FBXL7: variants seen among roughly 807,000 people sequenced by gnomAD.
The protein encoded by FBXL7 is F-box/LRR-repeat protein 7.
A neutral mutation model predicts 38.3 loss-of-function variants in FBXL7; 12 were observed. The observed-to-expected ratio is 0.31, with a 90% CI of 0.20 to 0.51. The LOEUF (loss-of-function observed/expected upper bound fraction) is 0.51. Ranked by LOEUF, FBXL7 falls within the 20% of genes least tolerant of loss-of-function variation. The pLI is 0.98. For synonymous variants in FBXL7, 297 were observed against 300.9 expected (o/e 0.99, Z 0.13); for missense variants, 567 against 676.4 (o/e 0.84, Z 1.79).
At chr5:15,608,949 C>T (rs1740127115) in intron 1 of FBXL7, among the ~76,000 whole-genome samples, 1 of 152,178 alleles carries the variant, frequency 6.6e-6, no homozygotes, top group East Asian at 1.9e-4. Flanking sequence ...GTTTTTATCC[C>T]CGTGTTACTG....
intron 2 of FBXL7, among the ~76,000 whole-genome samples, chr5:15,742,573 G>GTGC (rs2126676548): frequency 6.6e-6 from 1 of 152,314 alleles, no homozygotes; most frequent in Admixed American, 6.5e-5. Flanking sequence ...GGTGACCTAT[G>GTGC]CTGATGAACA....
At position 15,687,765 on chromosome 5, in the gene FBXL7, C is replaced by A. The variant is rs141838548; in HGVS notation, c.127+71693C>A. ...TCCTTGTAGATTTAAAAAATAAGATCAGTAGTTATTTGGGTCTCAAGTCTA... is the reference window on the plus strand; with the variant it reads ...TCCTTGTAGATTTAAAAAATAAGATAAGTAGTTATTTGGGTCTCAAGTCTA... On this transcript the variant is annotated intron_variant, in intron 2 of 3. Transcript: ENST00000504595. Among the ~76,000 whole-genome samples, 432 of 152,246 alleles carry A rather than the reference C, an allele frequency of 2.8e-3. 2 individuals are homozygous for A. The highest frequency in any genetic ancestry group is 4.6e-3 in the Non-Finnish European group (310 of 68,020).
At chr5:15,905,295 T>C (rs1013764694) in intron 2 of FBXL7, among the ~76,000 whole-genome samples, 2 of 152,212 alleles carry the variant, frequency 1.3e-5, no homozygotes, top group African/African-American at 4.8e-5. Context: ...AATTAAGGTG[T>C]TGTTTTCATT....
chr5:15,730,648 A>T (rs1735557217), intron 2 of FBXL7, among the ~76,000 whole-genome samples: 3 of 152,232 alleles, frequency 2.0e-5, no homozygotes, highest in Admixed American at 2.0e-4. Context: ...TATAGATATA[A>T]TCATATCATT....
At chr5:15,775,971 C>G (rs1736848141) in intron 2 of FBXL7, among the ~76,000 whole-genome samples, 1 of 152,056 alleles carries the variant, frequency 6.6e-6, no homozygotes, top group South Asian at 2.1e-4. Flanking sequence ...AGGCTTAAGA[C>G]AGATTTCAGT....
At position 15,936,791 on chromosome 5, in the gene FBXL7, G is replaced by A. The variant is rs375930592; in HGVS notation, c.1081G>A (p.Gly361Ser). ...RLRYLSIAHC[G>S]RVTDVGIRYV... ...GCGGTACCTGAGCATCGCGCACTGC[G>A]GCCGGGTCACCGACGTGGGCATCCG... Residue 361 changes from glycine to serine, a missense_variant, in exon 4 of 4, where the codon GGC (glycine) becomes AGC (serine). Physicochemically the swap from Gly to Ser is moderately conservative, Grantham distance 56 (BLOSUM62 0). Coordinates refer to ENST00000504595, the MANE Select transcript of FBXL7 (RefSeq NM_012304.5). This position sits in a 1 kb window ranked among gnomAD's most constrained non-coding sequence, Gnocchi z 6.0. The A allele has an allele frequency of 1.0e-4, 163 of 1,612,088 alleles. No individual in the cohort carries two copies. Among genetic ancestry groups the A allele is most frequent in the Non-Finnish European group, 1.1e-4 (131 of 1,179,488 alleles).
chr5:15,500,910 T>TG (rs1332647627), intron 1 of FBXL7, among the ~76,000 whole-genome samples, 197 bp downstream of exon 1: 1 of 152,112 alleles, frequency 6.6e-6, no homozygotes, highest in Non-Finnish European at 1.5e-5. Flanking sequence ...TTTTCCACTG[T>TG]GGGGGTCTCT....
chr5:15,512,285 C>T (rs1020414697), intron 1 of FBXL7, among the ~76,000 whole-genome samples: 10 of 152,148 alleles, frequency 6.6e-5, no homozygotes, highest in East Asian at 1.9e-4. Flanking sequence ...TCTTTAATTG[C>T]TTTACTTTCC....
intron 2 of FBXL7, among the ~76,000 whole-genome samples, chr5:15,844,685 G>A (rs531308757): frequency 2.0e-5 from 3 of 152,278 alleles, no homozygotes; most frequent in East Asian, 3.9e-4. Context: ...GGAGGATACA[G>A]GTGGGAGTGT....
chr5:15,823,563 G>A (rs1454637037), intron 2 of FBXL7, among the ~76,000 whole-genome samples: 2 of 152,096 alleles, frequency 1.3e-5, no homozygotes, highest in Non-Finnish European at 2.9e-5. Context: ...TGTGAATGTG[G>A]TGCTGGTAGC....
At chr5:15,700,167 C>T (rs1350332249) in intron 2 of FBXL7, among the ~76,000 whole-genome samples, 1 of 152,098 alleles carries the variant, frequency 6.6e-6, no homozygotes, top group East Asian at 1.9e-4. Flanking sequence ...GACTGATTTC[C>T]TCTCATTAAT....
intron 2 of FBXL7, among the ~76,000 whole-genome samples, chr5:15,874,034 A>G (rs975701086): frequency 6.6e-6 from 1 of 152,238 alleles, no homozygotes; most frequent in Non-Finnish European, 1.5e-5. Flanking sequence ...AATACTGGCA[A>G]ACCAAATCCA....
intron 2 of FBXL7, among the ~76,000 whole-genome samples, chr5:15,685,541 A>G (rs1379505068): frequency 6.6e-6 from 1 of 152,114 alleles, no homozygotes; most frequent in East Asian, 1.9e-4. Flanking sequence ...TGTGTAGGGG[A>G]TGGTGGAATA....
chr5:15,667,887 T>G (rs757156245), intron 2 of FBXL7, among the ~76,000 whole-genome samples: 37 of 152,324 alleles, frequency 2.4e-4, no homozygotes, highest in Non-Finnish European at 4.3e-4. Flanking sequence ...GATTCATATC[T>G]CTGCCCTGTA....
At chr5:15,748,306 T>A (rs1285741371) in intron 2 of FBXL7, among the ~76,000 whole-genome samples, 1 of 152,264 alleles carries the variant, frequency 6.6e-6, no homozygotes, top group Non-Finnish European at 1.5e-5. Flanking sequence ...TATTGTGTCC[T>A]CCATGCTAAT....
chr5:15,915,771 A>G (rs1386203634), intron 2 of FBXL7, among the ~76,000 whole-genome samples: 1 of 152,160 alleles, frequency 6.6e-6, no homozygotes, highest in Admixed American at 6.5e-5. Context: ...AGTCCATATT[A>G]GTAAGGTGAA....
At chr5:15,922,036 A>G (rs903804687) in intron 2 of FBXL7, among the ~76,000 whole-genome samples, 2 of 152,180 alleles carry the variant, frequency 1.3e-5, no homozygotes, top group African/African-American at 4.8e-5. Flanking sequence ...TCCCATGTTC[A>G]TTACAGCACT....
chr5:15,753,830 A>G (rs1736218696), intron 2 of FBXL7, among the ~76,000 whole-genome samples: 1 of 152,214 alleles, frequency 6.6e-6, no homozygotes, highest in African/African-American at 2.4e-5. Flanking sequence ...TTTTTAAGAC[A>G]GAAGTCCACA....
intron 1 of FBXL7, among the ~76,000 whole-genome samples, chr5:15,605,754 C>G (rs1739986154): frequency 6.6e-6 from 1 of 152,114 alleles, no homozygotes; most frequent in South Asian, 2.1e-4. Flanking sequence ...CATTTTACCA[C>G]AATTTAAAAA....
Sources: allele counts gnomAD v4.1 joint callset (sites outside exome capture counted in the v4.1 genomes callset), GRCh38; gene constraint gnomAD v4.1.1; non-coding constraint Gnocchi (gnomAD v3.1); transcripts MANE v1.5; gene names NCBI Gene and HGNC (gene_info 2026-07-23, HGNC 2026-07-21).